KATNAL2: variants seen among roughly 807,000 people sequenced by gnomAD.
KATNAL2 encodes the protein katanin p60 ATPase-containing subunit A-like 2.
A neutral mutation model predicts 76.3 loss-of-function variants in KATNAL2; 52 were observed. The ratio of observed to expected loss-of-function variants is 0.68; its 90% confidence interval spans 0.55 to 0.86. The LOEUF is 0.86. Among genes scored for constraint, KATNAL2 ranks in the 40% least tolerant of loss-of-function variants. The probability of loss-of-function intolerance (pLI) is 0.00; values close to 1 mark genes in which losing one functional copy is unlikely to be tolerated. For synonymous variants in KATNAL2, 243 were observed against 244.2 expected (o/e 1.00, Z 0.05); for missense variants, 660 against 668.9 (o/e 0.99, Z 0.15).
At chr18:47,050,965 T>C (rs2061323345) in intron 4 of KATNAL2, among the ~76,000 whole-genome samples, 1 of 152,176 alleles carries the variant, frequency 6.6e-6, no homozygotes, top group African/African-American at 2.4e-5. Flanking sequence ...TGAGTGAGAA[T>C]TGGTGACAGC....
At chr18:47,079,836 C>A (rs1198347703) in intron 15 of KATNAL2, among the ~76,000 whole-genome samples, 2 of 152,094 alleles carry the variant, frequency 1.3e-5, no homozygotes, top group Admixed American at 1.3e-4. Context: ...AATTTTTTGG[C>A]AAACACACTT....
At chr18:46,928,102 A>C (rs560685957) in intron 1 of KATNAL2, among the ~76,000 whole-genome samples, 10 of 152,288 alleles carry the variant, frequency 6.6e-5, no homozygotes, top group Non-Finnish European at 1.3e-4. Context: ...GTCATTCTCC[A>C]TCCAGCTTTG....
chr18:47,064,760 TA>T (rs1408058856), intron 10 of KATNAL2, among the ~76,000 whole-genome samples: 1 of 152,174 alleles, frequency 6.6e-6, no homozygotes. Flanking sequence ...GAATCCTTTC[TA>T]TAGTAGCATA....
intron 15 of KATNAL2, among the ~76,000 whole-genome samples, chr18:47,080,067 C>G (rs1402207358): frequency 1.3e-5 from 2 of 152,200 alleles, no homozygotes; most frequent in Admixed American, 1.3e-4. Flanking sequence ...CTCTGATCAA[C>G]AGCTGGAATT....
chr18:46,960,385 G>T (rs542698797), intron 3 of KATNAL2, among the ~76,000 whole-genome samples: 27 of 150,844 alleles, frequency 1.8e-4, no homozygotes, highest in Non-Finnish European at 3.7e-4. Context: ...AACCGAGATT[G>T]CTCCATTGCA....
At position 46,946,922 on chromosome 18, in the gene KATNAL2, C is replaced by A; in HGVS notation, c.50C>A (p.Ala17Glu). 6.6e-7 allele frequency: 1 copy of A among 1,519,790 alleles called. No homozygotes were observed. The highest frequency in any genetic ancestry group is 8.8e-7 in the Non-Finnish European group (1 of 1,131,970). The allele number at this position is 1,519,790 out of a possible 1,614,324, so 94.1% of individuals were successfully genotyped here. A position where few individuals can be genotyped will look rare whatever the true frequency, so the allele number is the denominator to read the frequency against. Residue 17 changes from alanine to glutamate, a missense_variant and splice_region_variant, in exon 3 of 18, where the codon GCG (alanine) becomes GAG (glutamate). Physicochemically the swap from Ala to Glu is moderately radical, Grantham distance 107. Coordinates refer to ENST00000683218, the MANE Select transcript of KATNAL2 (RefSeq NM_001387690.1). ...AAATTCACGCATCAGGCGCGGGAAG[C>A]GGTAAGGAACGCATATATAAAACAT... ...TLKFTHQARE[A>E]CEMRTEARRK...
rs1336895243 is a variant in KATNAL2 at position 47,063,279 on chromosome 18, A to G, written c.649-5A>G. The stretch of plus-strand genomic sequence containing the variant: ...TAATGTGAGCCTTTCCGCTCCTCTC[A>G]TCAGGAACGACTGCTGAAACCTCTG... On this transcript the variant is annotated splice_region_variant and splice_polypyrimidine_tract_variant and intron_variant, in intron 9 of 17. Coordinates refer to ENST00000683218, the MANE Select transcript of KATNAL2 (RefSeq NM_001387690.1). 2.5e-6 allele frequency: 4 copies of G among 1,612,934 alleles called. No homozygotes were observed. The highest frequency in any genetic ancestry group is 3.4e-6 in the Non-Finnish European group (4 of 1,179,546).
intron 1 of KATNAL2, among the ~76,000 whole-genome samples, chr18:46,934,847 A>T (rs1468570947): frequency 6.6e-6 from 1 of 152,212 alleles, no homozygotes; most frequent in African/African-American, 2.4e-5. Context: ...GAAGGGATCC[A>T]GTTTCAGCTT....
At chr18:47,047,720 C>CT (rs58029086) in intron 4 of KATNAL2, among the ~76,000 whole-genome samples, 4,247 of 147,240 alleles carry the variant, frequency 0.029, 93 homozygotes, top group Non-Finnish European at 0.04. Flanking sequence ...AGCTTACAAA[C>CT]TTTTTTTTTT....
intron 6 of KATNAL2, 117 bp downstream of exon 6, chr18:47,054,555 C>A: frequency 9.9e-7 from 1 of 1,011,692 alleles, no homozygotes; most frequent in South Asian, 1.4e-5. Flanking sequence ...TGACTGCAGT[C>A]ATGTGACCTG....
chr18:47,033,210 G>A (rs763730534), intron 3 of KATNAL2: 40 of 1,613,942 alleles, frequency 2.5e-5, no homozygotes, highest in East Asian at 6.7e-5. Context: ...TCTGGCTGGA[G>A]GGAGTGTGGC....
chr18:46,937,834 T>G (rs2059137417), intron 1 of KATNAL2, among the ~76,000 whole-genome samples: 1 of 152,170 alleles, frequency 6.6e-6, no homozygotes, highest in Admixed American at 6.5e-5. Flanking sequence ...CCAGGCTCGG[T>G]GACTTGCACC....
chr18:46,961,905 G>C (rs1311432832), intron 3 of KATNAL2, among the ~76,000 whole-genome samples: 1 of 152,158 alleles, frequency 6.6e-6, no homozygotes, highest in Non-Finnish European at 1.5e-5. Context: ...AATGTAGATG[G>C]GGGTTTGCTA....
At chr18:47,065,401 G>A (rs956916858) in intron 10 of KATNAL2, among the ~76,000 whole-genome samples, 3 of 151,082 alleles carry the variant, frequency 2.0e-5, no homozygotes, top group Non-Finnish European at 2.9e-5. Flanking sequence ...TCCCAAGATC[G>A]ACTGTGGGAC....
chr18:47,034,667 C>G, intron 3 of KATNAL2: 3 of 1,613,598 alleles, frequency 1.9e-6, no homozygotes, highest in Non-Finnish European at 2.5e-6. Context: ...CCCTGAGCCG[C>G]GTGAGTGTGG....
intron 15 of KATNAL2, among the ~76,000 whole-genome samples, chr18:47,096,216 A>G (rs1218191472): frequency 6.6e-6 from 1 of 152,192 alleles, no homozygotes; most frequent in Non-Finnish European, 1.5e-5. Context: ...GTTTAAAAAG[A>G]AATATTGTAA....
chr18:47,059,713 T>A (rs746708527), intron 8 of KATNAL2, 59 bp downstream of exon 8: 3 of 1,206,036 alleles, frequency 2.5e-6, no homozygotes, highest in Admixed American at 1.8e-5. Flanking sequence ...CTTTTAAACA[T>A]GAAAACAAAA....
chr18:46,960,329 C>T (rs1161125657), intron 3 of KATNAL2, among the ~76,000 whole-genome samples: 1 of 151,808 alleles, frequency 6.6e-6, no homozygotes, highest in African/African-American at 2.4e-5. Context: ...ATGCCAGCTA[C>T]TCGGGAGGCT....
chr18:47,051,003 T>G (rs928082396), intron 4 of KATNAL2, among the ~76,000 whole-genome samples: 1 of 152,202 alleles, frequency 6.6e-6, no homozygotes, highest in Non-Finnish European at 1.5e-5. Context: ...GGATGCTGGT[T>G]CTTCTATTAA....
Sources: allele counts gnomAD v4.1 joint callset (sites outside exome capture counted in the v4.1 genomes callset), GRCh38; gene constraint gnomAD v4.1.1; transcripts MANE v1.5; gene names NCBI Gene and HGNC (gene_info 2026-07-23, HGNC 2026-07-21).